Variants in DPP6 observed in about 807,000 individuals in gnomAD.
DPP6 encodes A-type potassium channel modulatory protein DPP6.
In DPP6, 69 loss-of-function variants were observed where a neutral mutation model predicts 122.6. That is an observed-to-expected ratio of 0.56 (90% CI 0.46 to 0.69). The LOEUF (loss-of-function observed/expected upper bound fraction) is 0.69. DPP6 is among the 30% of genes least tolerant of loss of function. DPP6 has a pLI of 0.00. For missense variants in DPP6, 928 were observed against 1,116.9 expected, an observed-to-expected ratio of 0.83 and a Z score of 2.41; for synonymous variants, 418 against 433.1, an observed-to-expected ratio of 0.97 and a Z score of 0.43.
chr7:154,201,135 G>T (rs879915926), intron 1 of DPP6, among the ~76,000 whole-genome samples: 1 of 150,520 alleles, frequency 6.6e-6, no homozygotes, highest in Non-Finnish European at 1.5e-5. Flanking sequence ...TTTTGTTGTT[G>T]TTTTTTTTTG....
intron 1 of DPP6, among the ~76,000 whole-genome samples, chr7:154,016,123 C>G (rs2129050323): frequency 6.6e-6 from 1 of 152,296 alleles, no homozygotes; most frequent in South Asian, 2.1e-4. Flanking sequence ...TCAAGTCAGC[C>G]CCATGATACC....
chr7:154,324,382 C>T (rs1808239317), intron 1 of DPP6, among the ~76,000 whole-genome samples: 1 of 152,284 alleles, frequency 6.6e-6, no homozygotes, highest in African/African-American at 2.4e-5. Context: ...CCCTTCCATG[C>T]AGATGCAGGC....
At chr7:154,284,029 T>C (rs1397156321) in intron 1 of DPP6, among the ~76,000 whole-genome samples, 2 of 152,164 alleles carry the variant, frequency 1.3e-5, no homozygotes, top group African/African-American at 2.4e-5. Context: ...ATGACATCCA[T>C]GTTAGATAAG....
chr7:154,867,810 CT>C (rs1193271102), intron 17 of DPP6, among the ~76,000 whole-genome samples, 184 bp from the exon 18 acceptor site: 2 of 152,154 alleles, frequency 1.3e-5, no homozygotes, highest in African/African-American at 4.8e-5. Context: ...TGAGTCTAGG[CT>C]TTTGAGCGCA....
At chr7:153,804,061 T>TC in the DPP6 span, among the ~76,000 whole-genome samples, 3 of 151,824 alleles carry the variant, frequency 2.0e-5, no homozygotes, top group East Asian at 1.9e-4. Flanking sequence ...TACTTTTTTT[T>TC]TTTTTTGAGA....
At chr7:154,062,306 G>T (rs866901702) in intron 1 of DPP6, among the ~76,000 whole-genome samples, 817 of 29,970 alleles carry the variant, frequency 0.027, 155 homozygotes, top group Admixed American at 0.11. Flanking sequence ...CCCCGGCTCT[G>T]AGGACCCCCA....
At chr7:154,236,043 G>C (rs1801193440) in intron 1 of DPP6, among the ~76,000 whole-genome samples, 1 of 152,020 alleles carries the variant, frequency 6.6e-6, no homozygotes, top group Admixed American at 6.6e-5. Context: ...AATAAAGATG[G>C]GGTTTCACCA....
chr7:154,891,663 G>A (rs886828177), intron 25 of DPP6, among the ~76,000 whole-genome samples: 1 of 152,126 alleles, frequency 6.6e-6, no homozygotes, highest in African/African-American at 2.4e-5. Flanking sequence ...TCGGCTCACA[G>A]CAACCTCCGC....
chr7:154,236,401 A>G (rs1231381748), intron 1 of DPP6, among the ~76,000 whole-genome samples: 1 of 152,212 alleles, frequency 6.6e-6, no homozygotes, highest in Non-Finnish European at 1.5e-5. Flanking sequence ...TTACGAACCT[A>G]AATGGCCAGA....
intron 21 of DPP6, chr7:154,884,679 AC>A (rs1805961742): frequency 7.2e-6 from 1 of 137,952 alleles, no homozygotes; most frequent in African/African-American, 2.8e-5. Flanking sequence ...ACATGCTCAC[AC>A]ACAAGCACAC....
At chr7:153,924,770 CAGGACGTTGT>C (rs1800811602) in intron 1 of DPP6, among the ~76,000 whole-genome samples, 1 of 152,182 alleles carries the variant, frequency 6.6e-6, no homozygotes, top group Non-Finnish European at 1.5e-5. Context: ...CCAGGTGTTG[CAGGACGTTGT>C]GTGTGCCCAC....
intron 1 of DPP6, among the ~76,000 whole-genome samples, chr7:154,097,227 C>T (rs202228169): frequency 0.031 from 4,591 of 148,434 alleles, no homozygotes; most frequent in East Asian, 0.18. Flanking sequence ...CAGTCTCCTA[C>T]CAGAGTTTAC....
chr7:154,797,953 G>A (rs1179838034), intron 12 of DPP6, among the ~76,000 whole-genome samples: 1 of 152,236 alleles, frequency 6.6e-6, no homozygotes, highest in African/African-American at 2.4e-5. Flanking sequence ...AAGTATTCGG[G>A]TGTTGGTGGG....
At chr7:154,281,729 G>A (rs1804527697) in intron 1 of DPP6, among the ~76,000 whole-genome samples, 1 of 152,098 alleles carries the variant, frequency 6.6e-6, no homozygotes, top group African/African-American at 2.4e-5. Context: ...TTTGAATAGG[G>A]CCTACTTTGC....
chr7:153,982,987 T>C (rs1226471557), intron 1 of DPP6, among the ~76,000 whole-genome samples: 3 of 152,222 alleles, frequency 2.0e-5, no homozygotes, highest in South Asian at 2.1e-4. Flanking sequence ...TATCGACCTC[T>C]GCTGGGAGGT....
intron 17 of DPP6, among the ~76,000 whole-genome samples, chr7:154,855,950 G>C (rs1035688019): frequency 2.6e-5 from 4 of 152,182 alleles, no homozygotes; most frequent in African/African-American, 9.7e-5. Flanking sequence ...GTAGAAATTA[G>C]ATAAGGTGTC....
rs578075096 is a variant in DPP6 at position 154,533,555 on chromosome 7, A to G, written c.458-6977A>G. ...AACATAAATTTTTTCAGAAAATAGA[A>G]TAGAATGGAACACTTCCCAACTTAT... On this transcript the variant is annotated intron_variant, in intron 3 of 25. Transcript: ENST00000377770. Among the ~76,000 whole-genome samples the G allele has an allele frequency of 2.0e-5, 3 of 152,344 alleles. No individual in the cohort carries two copies. In the South Asian group the frequency reaches 6.2e-4, roughly 32 times the overall value.
intron 5 of DPP6, among the ~76,000 whole-genome samples, chr7:154,617,806 A>G (rs1586742384): frequency 6.6e-6 from 1 of 152,200 alleles, no homozygotes; most frequent in African/African-American, 2.4e-5. Flanking sequence ...GTCCAGGCCA[A>G]TGGAAAACAA....
chr7:154,706,934 G>A (rs1288725184), intron 7 of DPP6, among the ~76,000 whole-genome samples: 1 of 152,132 alleles, frequency 6.6e-6, no homozygotes, highest in East Asian at 1.9e-4. Flanking sequence ...CTTGATTTTG[G>A]TTGATGTTTT....
Sources: gnomAD v4.1 joint callset for allele counts (sites outside exome capture counted in the v4.1 genomes callset) on GRCh38, gnomAD v4.1.1 for gene constraint, MANE v1.5 for transcripts, NCBI Gene and HGNC (gene_info 2026-07-23, HGNC 2026-07-21) for gene names.